CR1L: variants seen among roughly 807,000 people sequenced by gnomAD.
The protein encoded by CR1L is complement C3b/C4b receptor 1 like.
In CR1L, 59 loss-of-function variants were observed where a neutral mutation model predicts 62.3. The observed-to-expected ratio is 0.95, with a 90% CI of 0.77 to 1.18. The LOEUF (loss-of-function observed/expected upper bound fraction) is 1.18. Ranked by LOEUF, CR1L falls within the 50% of genes most tolerant of loss-of-function variation. The probability of loss-of-function intolerance (pLI) is 0.00; values close to 1 mark genes in which losing one functional copy is unlikely to be tolerated. For synonymous variants in CR1L, 279 were observed against 248.7 expected (o/e 1.12, Z -1.15); for missense variants, 700 against 702.8 (o/e 1.00, Z 0.04).
At chr1:207,699,985 T>C (rs1044602717) in intron 8 of CR1L, among the ~76,000 whole-genome samples, 8 of 152,216 alleles carry the variant, frequency 5.3e-5, no homozygotes, top group Non-Finnish European at 1.5e-5. Context: ...TCTCAAAATA[T>C]GTACCTAAAT....
chr1:207,645,339 C>G lies in CR1L; in HGVS notation c.97+9C>G. The G allele has an allele frequency of 1.2e-6, 2 of 1,613,602 alleles. No individual in the cohort carries two copies. Among genetic ancestry groups the G allele is most frequent in the African/African-American group, 1.3e-5 (1 of 75,046 alleles). On this transcript the variant is annotated intron_variant, in intron 1 of 11. Coordinates refer to ENST00000508064, the MANE Select transcript of CR1L (RefSeq NM_175710.2). Reference sequence around the variant, plus strand: ...GCTGTCCTCCTTCTCCGGTAGGACCCCGGGGTGGATTCGCGCGTCCGCGGC... The same window carrying G: ...GCTGTCCTCCTTCTCCGGTAGGACCGCGGGGTGGATTCGCGCGTCCGCGGC...
At chr1:207,648,638 C>G (rs1167632194) in intron 1 of CR1L, among the ~76,000 whole-genome samples, 1 of 152,130 alleles carries the variant, frequency 6.6e-6, no homozygotes, top group Non-Finnish European at 1.5e-5. Context: ...AGAGGAGCTG[C>G]TTTTTTGGAC....
At chr1:207,651,245 G>C (rs1030253182) in intron 1 of CR1L, among the ~76,000 whole-genome samples, 14 of 151,432 alleles carry the variant, frequency 9.2e-5, no homozygotes, top group Admixed American at 9.2e-4. Flanking sequence ...TCAAGATACT[G>C]TTTTTCTGGG....
intron 1 of CR1L, among the ~76,000 whole-genome samples, chr1:207,665,206 A>G (rs1015016527): frequency 5.3e-5 from 8 of 149,736 alleles, no homozygotes; most frequent in Non-Finnish European, 1.2e-4. Context: ...GGCACCCGCC[A>G]CCATGCCAGG....
At chr1:207,691,699 T>G (rs569944882) in intron 4 of CR1L, among the ~76,000 whole-genome samples, 2 of 152,328 alleles carry the variant, frequency 1.3e-5, no homozygotes, top group African/African-American at 4.8e-5. Context: ...CAGACATCCT[T>G]GATTTACTAT....
At chr1:207,707,382 C>T (rs1190641062) in intron 9 of CR1L, among the ~76,000 whole-genome samples, 2 of 152,184 alleles carry the variant, frequency 1.3e-5, no homozygotes, top group African/African-American at 4.8e-5. Flanking sequence ...AGTCCCAGCA[C>T]TTTGGGAGGC....
intron 1 of CR1L, among the ~76,000 whole-genome samples, chr1:207,662,342 A>G (rs6682464): frequency 0.47 from 71,921 of 151,842 alleles, 17,564 homozygotes; most frequent in African/African-American, 0.59. Context: ...GGCTTTGTTC[A>G]TTTCTTTTTA....
intron 4 of CR1L, 40 bp downstream of exon 4, chr1:207,683,997 A>T (rs367722226): frequency 5.2e-5 from 82 of 1,569,612 alleles, no homozygotes; most frequent in Non-Finnish European, 7.0e-5. Flanking sequence ...TTACCGATAC[A>T]TTCTAATTTT....
At chr1:207,690,742 G>C (rs1426231758) in intron 4 of CR1L, among the ~76,000 whole-genome samples, 2 of 152,222 alleles carry the variant, frequency 1.3e-5, no homozygotes, top group Admixed American at 6.5e-5. Context: ...TCTGCAAGCT[G>C]TTCTGTGCCT....
intron 9 of CR1L, among the ~76,000 whole-genome samples, chr1:207,706,717 T>C (rs1020560084): frequency 9.9e-5 from 15 of 152,238 alleles, no homozygotes; most frequent in African/African-American, 3.4e-4. Flanking sequence ...AGATACACAT[T>C]AAAGAATAAG....
At chr1:207,681,551 C>A (rs1347726011) in intron 3 of CR1L, among the ~76,000 whole-genome samples, 6 of 152,180 alleles carry the variant, frequency 3.9e-5, no homozygotes, top group Non-Finnish European at 5.9e-5. Flanking sequence ...TTAAAATATT[C>A]TTCTATCTGT....
chr1:207,693,949 G>A (rs1388320963), intron 4 of CR1L, among the ~76,000 whole-genome samples: 2 of 151,800 alleles, frequency 1.3e-5, no homozygotes, highest in Non-Finnish European at 2.9e-5. Flanking sequence ...GTATATTTGT[G>A]TCTTCTCTCT....
chr1:207,714,608 C>T lies in CR1L; in HGVS notation c.1415-2856C>T, dbSNP rs576363955. Among the ~76,000 whole-genome samples, 3 of 152,208 alleles carry T rather than the reference C, an allele frequency of 2.0e-5. 1 individual carries two copies. In the South Asian group the frequency reaches 6.2e-4, roughly 32 times the overall value. The stretch of plus-strand genomic sequence containing the variant: ...GATACAGTATGAGTCTGGGGGATAA[C>T]TAGATTGAGCAATTAAGGAGTTATT... On this transcript the variant is annotated intron_variant, in intron 10 of 11. Coordinates refer to ENST00000508064, the MANE Select transcript of CR1L (RefSeq NM_175710.2).
intron 4 of CR1L, among the ~76,000 whole-genome samples, chr1:207,686,250 A>C (rs1368459213): frequency 4.8e-5 from 7 of 145,510 alleles, no homozygotes; most frequent in Admixed American, 7.2e-5. Flanking sequence ...TAGGACCACC[A>C]GTATAACATT....
intron 9 of CR1L, among the ~76,000 whole-genome samples, chr1:207,706,069 TAAAGC>T (rs1401186188): frequency 6.9e-6 from 1 of 144,976 alleles, no homozygotes; most frequent in African/African-American, 2.5e-5. Flanking sequence ...TGCAGAAAAT[TAAAGC>T]AAAGAGTAAG....
intron 3 of CR1L, among the ~76,000 whole-genome samples, chr1:207,680,698 T>C (rs1237258128): frequency 1.3e-5 from 2 of 152,250 alleles, no homozygotes; most frequent in East Asian, 3.8e-4. Context: ...ACTGTGGCTA[T>C]GCAGCCTGAG....
intron 3 of CR1L, among the ~76,000 whole-genome samples, chr1:207,679,940 C>T (rs1663769968): frequency 6.6e-6 from 1 of 152,010 alleles, no homozygotes; most frequent in African/African-American, 2.4e-5. Context: ...TCAGCAGTTG[C>T]CAGGGGTTAG....
chr1:207,697,592 T>C lies in CR1L; in HGVS notation c.952T>C (p.Cys318Arg), dbSNP rs1261458838. The stretch of plus-strand genomic sequence containing the variant: ...ACCCGGGCAGGAAGTGTTCTACAGC[T>C]GTGAGCCCGGCTACGACCTCAGAGG... ...FSPGQEVFYS[C>R]EPGYDLRGST... Residue 318 changes from cysteine (C) to arginine (R), a missense_variant, in exon 6 of 12, where the codon TGT (cysteine) becomes CGT (arginine). By Grantham distance (180) the Cys-to-Arg change is radical. Transcript: ENST00000508064. 1.2e-6 allele frequency: 2 copies of C among 1,613,880 alleles called. No homozygotes were observed. The highest frequency in any genetic ancestry group is 1.7e-6 in the Non-Finnish European group (2 of 1,179,794).
intron 10 of CR1L, among the ~76,000 whole-genome samples, chr1:207,709,967 G>T (rs939319736): frequency 6.6e-6 from 1 of 152,116 alleles, no homozygotes; most frequent in African/African-American, 2.4e-5. Context: ...GTAAATATTA[G>T]ATGAGAATGA....
Sources: gnomAD v4.1 joint callset for allele counts (sites outside exome capture counted in the v4.1 genomes callset) on GRCh38, gnomAD v4.1.1 for gene constraint, MANE v1.5 for transcripts, NCBI Gene and HGNC (gene_info 2026-07-23, HGNC 2026-07-21) for gene names.